AGBL1: variants seen among roughly 807,000 people sequenced by gnomAD.
AGBL1 encodes cytosolic carboxypeptidase 4.
AGBL1 carries 130 observed loss-of-function variants against 118.9 expected under a neutral mutation model. The observed-to-expected ratio is 1.09, with a 90% CI of 0.95 to 1.26. AGBL1 has a LOEUF of 1.26. AGBL1 is among the 50% of genes most tolerant of loss of function. AGBL1 has a pLI of 0.00. For synonymous variants in AGBL1, 555 were observed against 478.9 expected (o/e 1.16, Z -2.08); for missense variants, 1,584 against 1,298.1 (o/e 1.22, Z -3.38).
At chr15:86,512,804 A>G (rs2083068965) in intron 18 of AGBL1, among the ~76,000 whole-genome samples, 1 of 151,740 alleles carries the variant, frequency 6.6e-6, no homozygotes, top group Admixed American at 6.6e-5. Context: ...TGTCTTATTT[A>G]TTCATGTTTG....
intron 22 of AGBL1, among the ~76,000 whole-genome samples, chr15:86,808,783 A>T (rs1027694873): frequency 1.5e-5 from 2 of 131,912 alleles, no homozygotes; most frequent in Non-Finnish European, 3.1e-5. Context: ...AGTTCCTTCC[A>T]TTCTCATCTG....
chr15:86,705,012 C>G (rs1433054192), intron 22 of AGBL1, among the ~76,000 whole-genome samples: 2 of 152,116 alleles, frequency 1.3e-5, no homozygotes, highest in Non-Finnish European at 2.9e-5. Context: ...AACCATCATT[C>G]TCAGCAAACT....
chr15:87,023,602 A>G (rs2081692052), intron 24 of AGBL1, among the ~76,000 whole-genome samples: 1 of 152,038 alleles, frequency 6.6e-6, no homozygotes, highest in African/African-American at 2.4e-5. Flanking sequence ...CAAAGAAACA[A>G]TGGATTTAAT....
At chr15:86,591,832 T>G (rs1268343279) in intron 21 of AGBL1, among the ~76,000 whole-genome samples, 18 of 151,998 alleles carry the variant, frequency 1.2e-4, no homozygotes, top group Admixed American at 1.2e-3. Flanking sequence ...AGGAGTGGAG[T>G]TGAAGATCCC....
intron 22 of AGBL1, among the ~76,000 whole-genome samples, chr15:86,690,940 T>C (rs2086155572): frequency 6.6e-6 from 1 of 152,192 alleles, no homozygotes; most frequent in Non-Finnish European, 1.5e-5. Flanking sequence ...ATAATTGTAT[T>C]ATTAATCAGG....
chr15:86,575,559 C>T (rs964081485), intron 21 of AGBL1, among the ~76,000 whole-genome samples: 14 of 151,676 alleles, frequency 9.2e-5, no homozygotes, highest in African/African-American at 3.4e-4. Flanking sequence ...CACAAACTAG[C>T]CATATTCAAA....
intron 22 of AGBL1, among the ~76,000 whole-genome samples, chr15:86,793,638 CTT>C (rs2078528562): frequency 6.6e-6 from 1 of 152,234 alleles, no homozygotes; most frequent in African/African-American, 2.4e-5. Context: ...AAATTAAAAA[CTT>C]TTGTTTATCA....
At chr15:86,798,611 A>G (rs1251544458) in intron 22 of AGBL1, among the ~76,000 whole-genome samples, 2 of 151,750 alleles carry the variant, frequency 1.3e-5, no homozygotes, top group Non-Finnish European at 2.9e-5. Context: ...TTTAACAACT[A>G]TGTTTGATAA....
intron 21 of AGBL1, among the ~76,000 whole-genome samples, chr15:86,646,413 T>C (rs2085280607): frequency 6.6e-6 from 1 of 152,182 alleles, no homozygotes; most frequent in Non-Finnish European, 1.5e-5. Context: ...CTTTCCAGTC[T>C]CATTTATCCT....
At chr15:86,136,742 G>T (rs540977345) in intron 1 of AGBL1, among the ~76,000 whole-genome samples, 1 of 152,150 alleles carries the variant, frequency 6.6e-6, no homozygotes, top group African/African-American at 2.4e-5. Context: ...GCAGAGTGAC[G>T]TAAAGGGCGT....
At chr15:87,012,266 T>TA (rs34208061) in intron 24 of AGBL1, among the ~76,000 whole-genome samples, 67,269 of 149,012 alleles carry the variant, frequency 0.45, 16,839 homozygotes, top group Non-Finnish European at 0.58. Flanking sequence ...CAAGCTAGGT[T>TA]AAAAAAAAAA....
chr15:86,103,849 C>G (rs1192831894), intron 1 of AGBL1, among the ~76,000 whole-genome samples: 3 of 152,180 alleles, frequency 2.0e-5, no homozygotes, highest in African/African-American at 4.8e-5. Context: ...GGCTTGCTGA[C>G]TTGCTCAGAT....
At chr15:86,995,942 G>A (rs8032971) in intron 24 of AGBL1, among the ~76,000 whole-genome samples, 14,983 of 152,004 alleles carry the variant, frequency 0.099, 1,305 homozygotes, top group African/African-American at 0.23. Flanking sequence ...GAAATTATTC[G>A]AAACACTAAT....
chr15:86,407,061 G>C (rs1035100789), intron 18 of AGBL1, among the ~76,000 whole-genome samples: 6 of 152,084 alleles, frequency 3.9e-5, no homozygotes, highest in African/African-American at 1.2e-4. Context: ...TTGTACTAAT[G>C]GATAGAAGTG....
chr15:86,621,255 G>C (rs917980174), intron 21 of AGBL1, among the ~76,000 whole-genome samples: 1 of 152,224 alleles, frequency 6.6e-6, no homozygotes, highest in African/African-American at 2.4e-5. Context: ...AACTGGGATA[G>C]TGAAATGAGT....
At chr15:86,448,975 A>T (rs760045950) in intron 18 of AGBL1, among the ~76,000 whole-genome samples, 3 of 152,132 alleles carry the variant, frequency 2.0e-5, no homozygotes, top group Non-Finnish European at 2.9e-5. Context: ...AGAAATAAGG[A>T]TGTGGTGTAC....
At chr15:86,279,617 T>C (rs764276106) in intron 15 of AGBL1, 22 bp from the exon 16 acceptor site, 6 of 1,610,428 alleles carry the variant, frequency 3.7e-6, no homozygotes, top group African/African-American at 1.3e-5. Flanking sequence ...TATTCTCTTC[T>C]CTTCTCCTCC....
intron 22 of AGBL1, among the ~76,000 whole-genome samples, chr15:86,869,710 A>G (rs2079691862): frequency 6.6e-6 from 1 of 152,132 alleles, no homozygotes; most frequent in South Asian, 2.1e-4. Flanking sequence ...TATTATAACC[A>G]TCCCTACTAC....
chr15:86,996,597 G>T (rs1383123839), intron 24 of AGBL1, among the ~76,000 whole-genome samples: 1 of 152,092 alleles, frequency 6.6e-6, no homozygotes, highest in Non-Finnish European at 1.5e-5. Flanking sequence ...GCAAGACCTT[G>T]TCTCAAAGCA....
Sources: allele counts gnomAD v4.1 joint callset (sites outside exome capture counted in the v4.1 genomes callset), GRCh38; gene constraint gnomAD v4.1.1; transcripts MANE v1.5; gene names NCBI Gene and HGNC (gene_info 2026-07-23, HGNC 2026-07-21).